PIEZO2: variants seen among roughly 807,000 people sequenced by gnomAD.
PIEZO2 encodes piezo-type mechanosensitive ion channel component 2.
A neutral mutation model predicts 337.3 loss-of-function variants in PIEZO2; 172 were observed. That is an observed-to-expected ratio of 0.51 (90% CI 0.45 to 0.58). The LOEUF is 0.58. Ranked by LOEUF, PIEZO2 falls within the 20% of genes least tolerant of loss-of-function variation. The pLI, the probability that PIEZO2 is intolerant of heterozygous loss-of-function variation, is 0.00. For synonymous variants in PIEZO2, 1,251 were observed against 1,228.5 expected, an observed-to-expected ratio of 1.02 and a Z score of -0.38; for missense variants, 3,028 against 3,391.3, an observed-to-expected ratio of 0.89 and a Z score of 2.66.
rs1158906489 is a variant in PIEZO2 at position 11,111,011 on chromosome 18, G to A, written c.64+37514C>T. On this transcript the variant is annotated intron_variant, in intron 1 of 55. Transcript: ENST00000674853. This position sits in a 1 kb window ranked among gnomAD's most constrained non-coding sequence, Gnocchi z 6.2. The stretch of plus-strand genomic sequence containing the variant: ...GGCTTCGGAACGGAGGAGAAGCTGA[G>A]ATACTTCAGTGCAGCTGCAAATGGA... Among the ~76,000 whole-genome samples, 1 of 152,182 alleles carries A rather than the reference G, an allele frequency of 6.6e-6. No individual in the cohort carries two copies. Among genetic ancestry groups the A allele is most frequent in the Non-Finnish European group, 1.5e-5 (1 of 68,028 alleles).
intron 13 of PIEZO2, among the ~76,000 whole-genome samples, chr18:10,791,802 A>C (rs146421146): frequency 1.3e-5 from 2 of 152,356 alleles, no homozygotes; most frequent in South Asian, 2.1e-4. Flanking sequence ...CTTATTATTA[A>C]TCTTTTAAAG....
chr18:10,912,174 G>A (rs536477987), intron 3 of PIEZO2, among the ~76,000 whole-genome samples: 1 of 152,182 alleles, frequency 6.6e-6, no homozygotes, highest in South Asian at 2.1e-4. Flanking sequence ...TAAAAAAGAT[G>A]TTATACAATT....
At chr18:11,036,959 T>C (rs1306876031) in intron 2 of PIEZO2, among the ~76,000 whole-genome samples, 1 of 152,180 alleles carries the variant, frequency 6.6e-6, no homozygotes, top group East Asian at 1.9e-4. Flanking sequence ...TTCTTATTTG[T>C]GTGCGTGTGT....
At chr18:10,944,038 C>T (rs1389473517) in intron 3 of PIEZO2, among the ~76,000 whole-genome samples, 3 of 152,192 alleles carry the variant, frequency 2.0e-5, no homozygotes, top group Non-Finnish European at 4.4e-5. Context: ...ATCCAATAAA[C>T]CTCTTTCTTT....
intron 54 of PIEZO2, 77 bp downstream of exon 54, chr18:10,675,132 G>T: frequency 2.9e-6 from 3 of 1,040,818 alleles, no homozygotes; most frequent in Non-Finnish European, 4.3e-6. Context: ...TTTCATGAAG[G>T]TCCAAAGCAC....
At chr18:10,800,266 C>A (rs1426969831) in intron 11 of PIEZO2, 71 bp downstream of exon 11, 5 of 1,472,160 alleles carry the variant, frequency 3.4e-6, no homozygotes, top group Non-Finnish European at 4.5e-6. Flanking sequence ...TAAGCAACAA[C>A]AACAAAAAGA....
chr18:11,003,804 A>G lies in PIEZO2; in HGVS notation c.161-24144T>C, dbSNP rs2035628125. The stretch of plus-strand genomic sequence containing the variant: ...ACACAGACCTGGGGAGAACAAGCAA[A>G]CTCCACATGGGGGTGGACCTGGAAA... On this transcript the variant is annotated intron_variant, in intron 2 of 55. Coordinates refer to ENST00000674853, the MANE Select transcript of PIEZO2 (RefSeq NM_001378183.1). The surrounding 1 kb of genome is among the most constrained non-coding windows in gnomAD (Gnocchi z 4.6). Among the ~76,000 whole-genome samples, 2 of 151,978 alleles carry G rather than the reference A, an allele frequency of 1.3e-5. No homozygotes were observed. Among genetic ancestry groups the G allele is most frequent in the African/African-American group, 4.8e-5 (2 of 41,378 alleles).
chr18:11,014,513 C>T (rs1046577446), intron 2 of PIEZO2, among the ~76,000 whole-genome samples: 4 of 145,492 alleles, frequency 2.7e-5, no homozygotes, highest in Admixed American at 2.7e-4. Flanking sequence ...CAGTGGTGGG[C>T]ATTTCACCCT....
At chr18:10,823,370 A>T (rs2040576391) in intron 7 of PIEZO2, among the ~76,000 whole-genome samples, 1 of 152,184 alleles carries the variant, frequency 6.6e-6, no homozygotes. Flanking sequence ...TTCCCTTCAC[A>T]ACTATGATGA....
chr18:10,710,887 G>C (rs1164922815), intron 39 of PIEZO2, among the ~76,000 whole-genome samples: 3 of 152,330 alleles, frequency 2.0e-5, no homozygotes, highest in African/African-American at 7.2e-5. Flanking sequence ...CTGCAGAAAA[G>C]GGCAAGTGAG....
chr18:10,895,221 G>A lies in PIEZO2; in HGVS notation c.329+15965C>T, dbSNP rs1218190278. 1.3e-5 allele frequency among the ~76,000 whole-genome samples: 2 copies of A among 152,062 alleles called. No individual in the cohort carries two copies. Among genetic ancestry groups the A allele is most frequent in the Non-Finnish European group, 2.9e-5 (2 of 68,008 alleles). ...AGCATTTTGGGAGGCCAAGGTGGGT[G>A]GATCACTTGAGGTCAGGAGATCGAG... is the stretch of plus-strand genomic sequence containing the variant. On this transcript the variant is annotated intron_variant, in intron 4 of 55. Coordinates refer to ENST00000674853, the MANE Select transcript of PIEZO2 (RefSeq NM_001378183.1). This position sits in a 1 kb window ranked among gnomAD's most constrained non-coding sequence, Gnocchi z 4.8.
chr18:11,072,204 A>G (rs2038367597), intron 1 of PIEZO2, among the ~76,000 whole-genome samples: 1 of 152,112 alleles, frequency 6.6e-6, no homozygotes. Flanking sequence ...CTCCATACCC[A>G]TTACTGTATC....
chr18:11,004,103 G>C (rs2035637506), intron 2 of PIEZO2, among the ~76,000 whole-genome samples: 1 of 152,154 alleles, frequency 6.6e-6, no homozygotes, highest in African/African-American at 2.4e-5. Flanking sequence ...CTTTCTGCAG[G>C]AATTTCCTGT....
Position 10,726,593 on chromosome 18 carries a change from T to C in PIEZO2, c.5029+4814A>G. ...TCCTTCCGCCAGCTCTTCCAGGACCTGGCGCGCTACGTGCGGGACGCCGAC... is the reference window on the plus strand; with the variant it reads ...TCCTTCCGCCAGCTCTTCCAGGACCCGGCGCGCTACGTGCGGGACGCCGAC... On this transcript the variant is annotated intron_variant, in intron 36 of 55. Coordinates refer to ENST00000674853, the MANE Select transcript of PIEZO2 (RefSeq NM_001378183.1). This position sits in a 1 kb window ranked among gnomAD's most constrained non-coding sequence, Gnocchi z 5.9. The C allele has an allele frequency of 2.1e-6, 3 of 1,402,612 alleles. No individual in the cohort carries two copies. Among genetic ancestry groups the C allele is most frequent in the Non-Finnish European group, 2.8e-6 (3 of 1,056,272 alleles). The allele number at this position is 1,402,612 out of a possible 1,614,324, so 86.9% of individuals were successfully genotyped here.
In PIEZO2 at chr18:11,048,750, G is replaced by A. The variant is rs1440364861; in HGVS notation, c.160+17377C>T. On this transcript the variant is annotated intron_variant, in intron 2 of 55. Transcript: ENST00000674853. The surrounding 1 kb of genome is among the most constrained non-coding windows in gnomAD (Gnocchi z 4.5). Reference sequence around the variant, plus strand: ...GTAAAACATAAATAATACTATACCTGTCTCATGGGTATGGAAGCATTAAAT... The same window carrying A: ...GTAAAACATAAATAATACTATACCTATCTCATGGGTATGGAAGCATTAAAT... Among the ~76,000 whole-genome samples, 1 of 152,162 alleles carries A rather than the reference G, an allele frequency of 6.6e-6. No homozygotes were observed. The highest frequency in any genetic ancestry group is 1.5e-5 in the Non-Finnish European group (1 of 68,028).
intron 3 of PIEZO2, among the ~76,000 whole-genome samples, chr18:10,922,655 G>A (rs1018657292): frequency 6.6e-6 from 1 of 152,102 alleles, no homozygotes; most frequent in African/African-American, 2.4e-5. Flanking sequence ...GAAGACGACT[G>A]TCCTGGGGTC....
chr18:10,787,370 C>T (rs1440715680), intron 15 of PIEZO2, among the ~76,000 whole-genome samples, 186 bp from the exon 16 acceptor site: 1 of 152,094 alleles, frequency 6.6e-6, no homozygotes, highest in African/African-American at 2.4e-5. Flanking sequence ...GGTTAGAACC[C>T]CAGTTTTATA....
chr18:10,746,933 C>G lies in PIEZO2; in HGVS notation c.4424+1538G>C, dbSNP rs921467949. On this transcript the variant is annotated intron_variant, in intron 30 of 55. Coordinates refer to ENST00000674853, the MANE Select transcript of PIEZO2 (RefSeq NM_001378183.1). The surrounding 1 kb of genome is among the most constrained non-coding windows in gnomAD (Gnocchi z 4.2). ...ATGGACTGAGACGATACCAGGTGTA[C>G]TGTAGTAGAATTGCTTGCTCATGTG... 6.6e-6 allele frequency among the ~76,000 whole-genome samples: 1 copy of G among 152,142 alleles called. No homozygotes were observed. Among genetic ancestry groups the G allele is most frequent in the African/African-American group, 2.4e-5 (1 of 41,422 alleles).
Position 10,766,194 on chromosome 18 carries a change from A to G in PIEZO2, c.2947-3096T>C, listed in dbSNP as rs2038346229. ...TCTCATCATTTTCCTGATGGTAAGAATCTCGTGGAAGGAAAGAAGAAGAAA... is the reference window on the plus strand; with the variant it reads ...TCTCATCATTTTCCTGATGGTAAGAGTCTCGTGGAAGGAAAGAAGAAGAAA... On this transcript the variant is annotated intron_variant, in intron 21 of 55. Transcript: ENST00000674853. This position sits in a 1 kb window ranked among gnomAD's most constrained non-coding sequence, Gnocchi z 6.1. Among the ~76,000 whole-genome samples, 1 of 151,362 alleles carries G rather than the reference A, an allele frequency of 6.6e-6. No homozygotes were observed. Among genetic ancestry groups the G allele is most frequent in the African/African-American group, 2.4e-5 (1 of 41,124 alleles).
Sources: gnomAD v4.1 joint callset for allele counts (sites outside exome capture counted in the v4.1 genomes callset) on GRCh38, gnomAD v4.1.1 for gene constraint, Gnocchi (gnomAD v3.1) non-coding constraint, MANE v1.5 for transcripts, NCBI Gene and HGNC (gene_info 2026-07-23, HGNC 2026-07-21) for gene names.